STT3B: variants seen among roughly 807,000 people sequenced by gnomAD.
The protein encoded by STT3B is STT3 oligosaccharyltransferase complex catalytic subunit B.
STT3B carries 29 observed loss-of-function variants against 96.8 expected under a neutral mutation model. The ratio of observed to expected loss-of-function variants is 0.30; its 90% CI spans 0.22 to 0.41. STT3B has a LOEUF of 0.41. Among genes scored for constraint, STT3B ranks in the 10% least tolerant of loss-of-function variants. The pLI is 1.00. For synonymous variants in STT3B, 367 were observed against 360.0 expected (o/e 1.02, Z -0.22); for missense variants, 640 against 1,022.3 (o/e 0.63, Z 5.10).
chr3:31,560,377 T>C (rs916354653), intron 1 of STT3B, among the ~76,000 whole-genome samples: 2 of 152,108 alleles, frequency 1.3e-5, no homozygotes, highest in Non-Finnish European at 2.9e-5. Flanking sequence ...TGTGTTTTCA[T>C]GGTAGTAGAT....
At chr3:31,613,255 A>G (rs1199025925) in intron 5 of STT3B, among the ~76,000 whole-genome samples, 1 of 152,084 alleles carries the variant, frequency 6.6e-6, no homozygotes, top group Admixed American at 6.5e-5. Context: ...TTCAGTTTGT[A>G]TCATTTCTTA....
chr3:31,581,978 CA>C (rs1698413874), intron 3 of STT3B, among the ~76,000 whole-genome samples: 2 of 152,144 alleles, frequency 1.3e-5, no homozygotes, highest in Admixed American at 1.3e-4. Context: ...AATTTGTTGG[CA>C]TACAAGACTT....
At chr3:31,626,157 A>G in intron 13 of STT3B, 30 bp downstream of exon 13, 1 of 1,582,330 alleles carries the variant, frequency 6.3e-7, no homozygotes, top group Non-Finnish European at 8.7e-7. Context: ...CAGGTATGTG[A>G]AAGATAGCTC....
At chr3:31,628,315 A>G (rs1699579326) in intron 13 of STT3B, among the ~76,000 whole-genome samples, 1 of 152,080 alleles carries the variant, frequency 6.6e-6, no homozygotes, top group Non-Finnish European at 1.5e-5. Context: ...TCACTTCATA[A>G]TATGTCTTGG....
chr3:31,554,844 T>G (rs963357283), intron 1 of STT3B, among the ~76,000 whole-genome samples: 1 of 152,146 alleles, frequency 6.6e-6, no homozygotes, highest in Non-Finnish European at 1.5e-5. Context: ...TTTGCCAACT[T>G]TAAGAAACAT....
chr3:31,558,055 C>T (rs1478210970), intron 1 of STT3B, among the ~76,000 whole-genome samples: 1 of 152,134 alleles, frequency 6.6e-6, no homozygotes, highest in Admixed American at 6.5e-5. Context: ...ACTGAATTTG[C>T]TTATTAGCTC....
At chr3:31,607,692 A>G (rs74450714) in intron 5 of STT3B, among the ~76,000 whole-genome samples, 8,208 of 152,202 alleles carry the variant, frequency 0.054, 758 homozygotes, top group African/African-American at 0.19. Flanking sequence ...GAAAAAGTCA[A>G]ATACTACAGG....
chr3:31,614,588 G>C (rs192209068), intron 5 of STT3B, among the ~76,000 whole-genome samples: 8 of 151,974 alleles, frequency 5.3e-5, no homozygotes, highest in African/African-American at 1.7e-4. Flanking sequence ...AAACTTGGTG[G>C]ACATATGAAT....
At chr3:31,563,281 C>G (rs1697925244) in intron 1 of STT3B, among the ~76,000 whole-genome samples, 1 of 152,152 alleles carries the variant, frequency 6.6e-6, no homozygotes, top group African/African-American at 2.4e-5. Flanking sequence ...CTTATCTAAA[C>G]TAGTAGAGCA....
At chr3:31,554,217 T>TA (rs140754996) in intron 1 of STT3B, among the ~76,000 whole-genome samples, 2 of 152,112 alleles carry the variant, frequency 1.3e-5, no homozygotes, top group Non-Finnish European at 2.9e-5. Context: ...TTATTCTCCT[T>TA]AAAAAAATGA....
chr3:31,557,055 T>G (rs998906181), intron 1 of STT3B, among the ~76,000 whole-genome samples: 1 of 152,198 alleles, frequency 6.6e-6, no homozygotes, highest in African/African-American at 2.4e-5. Flanking sequence ...TGAGTTAATT[T>G]TGCATAAAGG....
intron 5 of STT3B, among the ~76,000 whole-genome samples, chr3:31,608,325 G>T (rs1699102773): frequency 6.6e-6 from 1 of 152,172 alleles, no homozygotes; most frequent in South Asian, 2.1e-4. Flanking sequence ...GTTATTGGGG[G>T]AAAGAGATGG....
intron 5 of STT3B, among the ~76,000 whole-genome samples, chr3:31,609,654 G>A (rs181625830): frequency 6.6e-6 from 1 of 152,176 alleles, no homozygotes. Context: ...GAGTGCAGTG[G>A]TGCCATCTCG....
chr3:31,579,432 A>G (rs1698331724), intron 2 of STT3B, among the ~76,000 whole-genome samples: 1 of 143,684 alleles, frequency 7.0e-6, no homozygotes. Context: ...GGAGTATGTT[A>G]GAACTCCAAA....
chr3:31,616,781 C>T (rs942539426), intron 6 of STT3B, 148 bp from the exon 7 acceptor site: 18 of 647,264 alleles, frequency 2.8e-5, no homozygotes, highest in African/African-American at 7.3e-5. Context: ...AGGCAACTGT[C>T]ATTTGACAAA....
At chr3:31,633,267 T>C (rs764978364) in intron 15 of STT3B, 120 bp downstream of exon 15, 2 of 849,870 alleles carry the variant, frequency 2.4e-6, no homozygotes, top group Middle Eastern at 2.8e-4. Flanking sequence ...ATGGCTTCTA[T>C]ATTAATACGA....
At chr3:31,555,009 C>A (rs1243212670) in intron 1 of STT3B, among the ~76,000 whole-genome samples, 1 of 152,138 alleles carries the variant, frequency 6.6e-6, no homozygotes, top group Admixed American at 6.5e-5. Context: ...ATCATAATTA[C>A]TGGATTCCAC....
intron 3 of STT3B, among the ~76,000 whole-genome samples, chr3:31,584,167 A>G (rs1430650394): frequency 2.0e-5 from 3 of 152,224 alleles, no homozygotes; most frequent in African/African-American, 7.2e-5. Context: ...GCACTGTTAA[A>G]GAAAAATACT....
Position 31,617,838 on chromosome 3 carries a change from A to G in STT3B, c.1124-102A>G. 6.1e-6 allele frequency: 5 copies of G among 818,644 alleles called. No individual in the cohort carries two copies. In the South Asian group the frequency reaches 7.9e-5, roughly 13 times the overall value. The allele number at this position is 818,644 out of a possible 1,614,324, so 50.7% of individuals were successfully genotyped here. ...AAATGAAAACTGAAATTCTTTGAAC[A>G]TTAGTTTGTCTATCTATAATTAGCA... On this transcript the variant is annotated intron_variant, in intron 7 of 15. Transcript: ENST00000295770.
Sources: gnomAD v4.1 joint callset for allele counts (sites outside exome capture counted in the v4.1 genomes callset) on GRCh38, gnomAD v4.1.1 for gene constraint, MANE v1.5 for transcripts, NCBI Gene and HGNC (gene_info 2026-07-23, HGNC 2026-07-21) for gene names.